Variants in COG5 observed in about 807,000 individuals in gnomAD.
COG5 encodes component of oligomeric golgi complex 5.
A neutral mutation model predicts 110.4 loss-of-function variants in COG5; 86 were observed. The observed-to-expected ratio is 0.78, with a 90% CI of 0.65 to 0.93. The LOEUF (loss-of-function observed/expected upper bound fraction) is 0.93, where lower values mean the gene tolerates loss of function less well. Among genes scored for constraint, COG5 ranks in the 40% least tolerant of loss-of-function variants. The pLI is 0.00. For missense variants in COG5, 1,077 were observed against 987.0 expected (o/e 1.09, Z -1.22); for synonymous variants, 360 against 334.6 (o/e 1.08, Z -0.83).
At chr7:107,308,782 G>C (rs1807948673) in intron 11 of COG5, among the ~76,000 whole-genome samples, 2 of 151,188 alleles carry the variant, frequency 1.3e-5, no homozygotes, top group Admixed American at 6.6e-5. Context: ...CACTATGAAT[G>C]TATGGTGGAT....
At chr7:107,283,804 A>G (rs774571849) in intron 12 of COG5, 72 bp from the exon 13 acceptor site, 47 of 1,103,566 alleles carry the variant, frequency 4.3e-5, no homozygotes, top group Non-Finnish European at 6.2e-5. Flanking sequence ...CAGGCTGTAA[A>G]TACCTTTTTA....
At chr7:107,510,517 G>A (rs1437755216) in intron 6 of COG5, among the ~76,000 whole-genome samples, 1 of 152,124 alleles carries the variant, frequency 6.6e-6, no homozygotes, top group Admixed American at 6.5e-5. Context: ...AGGATACCCA[G>A]GAATTGAACT....
chr7:107,327,774 G>C (rs1809895501), intron 10 of COG5, among the ~76,000 whole-genome samples: 1 of 152,104 alleles, frequency 6.6e-6, no homozygotes. Flanking sequence ...CATTAGGATG[G>C]CTACTATAAA....
At chr7:107,268,732 C>T (rs942946277) in intron 14 of COG5, among the ~76,000 whole-genome samples, 1 of 152,176 alleles carries the variant, frequency 6.6e-6, no homozygotes, top group African/African-American at 2.4e-5. Flanking sequence ...CAATATGTGA[C>T]CTTCACAATC....
chr7:107,378,088 T>C lies in COG5; in HGVS notation c.670-5328A>G, dbSNP rs908127518. ...CAGAGGAAGGAACAGGCAGCAATCT[T>C]TGCTGTTCTGCAACCTCTGCTGGTG... On this transcript the variant is annotated intron_variant, in intron 7 of 21. Coordinates refer to ENST00000297135, the MANE Select transcript of COG5 (RefSeq NM_006348.5). Among the ~76,000 whole-genome samples the C allele has an allele frequency of 6.6e-5, 10 of 152,174 alleles. No individual in the cohort carries two copies. The East Asian group carries it at 1.5e-3, about 23-fold the overall frequency.
At chr7:107,521,106 A>G (rs1800291547) in intron 6 of COG5, among the ~76,000 whole-genome samples, 2 of 152,224 alleles carry the variant, frequency 1.3e-5, no homozygotes, top group Admixed American at 6.5e-5. Flanking sequence ...GAAAACTGAA[A>G]CTGCACTCCT....
chr7:107,466,049 GA>G (rs1338288880), intron 6 of COG5, among the ~76,000 whole-genome samples: 1 of 151,856 alleles, frequency 6.6e-6, no homozygotes, highest in East Asian at 1.9e-4. Flanking sequence ...ATTATGCAAA[GA>G]AAAAAAGGAA....
At chr7:107,549,392 T>C (rs544540348) in intron 3 of COG5, 5 of 152,254 alleles carry the variant, frequency 3.3e-5, no homozygotes, top group Non-Finnish European at 5.9e-5. Context: ...ACATTTTTTG[T>C]CTAGGCTTTC....
In COG5 at chr7:107,388,141, C is replaced by T. The variant is rs754617658; in HGVS notation, c.670-15381G>A. Among the ~76,000 whole-genome samples the T allele has an allele frequency of 5.6e-4, 85 of 152,132 alleles. 1 individual carries two copies. The highest frequency in any genetic ancestry group is 1.3e-4 in the Non-Finnish European group (9 of 68,028). ...CCAGAAACTGGCTAAACAAATTATC[C>T]TACAATGCCCAGATTGCCAGCTCAC... On this transcript the variant is annotated intron_variant, in intron 7 of 21. Coordinates refer to ENST00000297135, the MANE Select transcript of COG5 (RefSeq NM_006348.5).
chr7:107,357,677 C>G (rs1217588936), intron 10 of COG5, among the ~76,000 whole-genome samples: 4 of 152,082 alleles, frequency 2.6e-5, no homozygotes, highest in Non-Finnish European at 5.9e-5. Context: ...CTCCTTCTCT[C>G]TCTTTCTTCC....
chr7:107,210,717 A>C, intron 20 of COG5, 112 bp from the exon 21 acceptor site: 4 of 1,178,534 alleles, frequency 3.4e-6, no homozygotes, highest in Non-Finnish European at 4.9e-6. Flanking sequence ...ACTGCCCCAA[A>C]ACCTGTCCAA....
intron 6 of COG5, among the ~76,000 whole-genome samples, chr7:107,469,162 A>G (rs1335915613): frequency 6.6e-6 from 1 of 151,780 alleles, no homozygotes; most frequent in Non-Finnish European, 1.5e-5. Context: ...CATGTAACTT[A>G]CTTTATCCTT....
chr7:107,352,106 A>C (rs1425461621), intron 10 of COG5, among the ~76,000 whole-genome samples: 1 of 148,130 alleles, frequency 6.8e-6, no homozygotes, highest in East Asian at 2.0e-4. Flanking sequence ...TGGCACATAT[A>C]TACCATGGAA....
chr7:107,489,839 A>G (rs1797878869), intron 6 of COG5, among the ~76,000 whole-genome samples: 1 of 152,118 alleles, frequency 6.6e-6, no homozygotes, highest in Non-Finnish European at 1.5e-5. Flanking sequence ...TCTTCTTCCT[A>G]CTAGCTGTGT....
chr7:107,519,030 C>T (rs1800141610), intron 6 of COG5, among the ~76,000 whole-genome samples: 2 of 152,256 alleles, frequency 1.3e-5, no homozygotes, highest in East Asian at 1.9e-4. Flanking sequence ...GGAAATTGAA[C>T]AACCGCTCCT....
chr7:107,256,847 ATAC>A, intron 15 of COG5, 53 bp from the exon 16 acceptor site: 1 of 1,287,046 alleles, frequency 7.8e-7, no homozygotes, highest in Non-Finnish European at 1.1e-6. Flanking sequence ...ATTTCTGTAA[ATAC>A]TAATTTTGAT....
chr7:107,227,673 A>T (rs887593692), intron 19 of COG5, among the ~76,000 whole-genome samples: 25 of 151,938 alleles, frequency 1.6e-4, no homozygotes, highest in African/African-American at 6.0e-4. Flanking sequence ...CTGCCTCAGC[A>T]AACAGGAAAC....
intron 10 of COG5, among the ~76,000 whole-genome samples, chr7:107,334,512 G>A (rs1231642678): frequency 6.6e-6 from 1 of 152,010 alleles, no homozygotes; most frequent in Admixed American, 6.6e-5. Flanking sequence ...CAAAGGCCAA[G>A]GAGAAAGAGA....
At chr7:107,411,349 CT>C (rs976511134) in intron 7 of COG5, among the ~76,000 whole-genome samples, 45 of 147,278 alleles carry the variant, frequency 3.1e-4, no homozygotes, top group Non-Finnish European at 2.3e-4. Context: ...GAGAAATACT[CT>C]TTTTTTTTTT....
Sources: allele counts gnomAD v4.1 joint callset (sites outside exome capture counted in the v4.1 genomes callset), GRCh38; gene constraint gnomAD v4.1.1; transcripts MANE v1.5; gene names NCBI Gene and HGNC (gene_info 2026-07-23, HGNC 2026-07-21).